DKK2: variants seen among roughly 807,000 people sequenced by gnomAD.
The protein encoded by DKK2 is dickkopf-related protein 2.
In DKK2, 11 loss-of-function variants were observed where a neutral mutation model predicts 28.1. That is an observed-to-expected ratio of 0.39 (90% CI 0.25 to 0.65). The LOEUF is 0.65. DKK2 is among the 30% of genes least tolerant of loss of function. The pLI is 0.47. For synonymous variants in DKK2, 135 were observed against 126.5 expected (o/e 1.07, Z -0.45); for missense variants, 326 against 335.5 (o/e 0.97, Z 0.22).
intron 1 of DKK2, among the ~76,000 whole-genome samples, chr4:107,032,945 T>C (rs1723896244): frequency 6.6e-6 from 1 of 152,144 alleles, no homozygotes; most frequent in Non-Finnish European, 1.5e-5. Context: ...CTGAAAATAA[T>C]AATACTAAGA....
chr4:106,954,330 A>T (rs1482843288), intron 1 of DKK2, among the ~76,000 whole-genome samples: 1 of 152,166 alleles, frequency 6.6e-6, no homozygotes, highest in African/African-American at 2.4e-5. Context: ...ATTTTACCTG[A>T]TACAATAGTA....
rs568722708 is a variant in DKK2, at chr4:106,995,715, C to A, written c.222+39655G>T. Among the ~76,000 whole-genome samples, 7 of 152,262 alleles carry A rather than the reference C, an allele frequency of 4.6e-5. No individual in the cohort carries two copies. In the South Asian group the frequency reaches 1.4e-3, roughly 32 times the overall value. On this transcript the variant is annotated intron_variant, in intron 1 of 3. Transcript: ENST00000285311. The stretch of plus-strand genomic sequence containing the variant: ...GCAACCTGCGCCTCCTGGGTTCAAG[C>A]GATTCTCCTGCCTCAGCCTCCCAAG...
At position 106,925,938 on chromosome 4, in the gene DKK2, A is replaced by G. The variant is rs1287021163; in HGVS notation, c.234T>C (p.Cys78=). Reference sequence around the variant, plus strand: ...CAACTTCACACTCCTTATCACTGCTACAAGGGTAGGCCTGTCATCAAGTGG... The same window carrying G: ...CAACTTCACACTCCTTATCACTGCTGCAAGGGTAGGCCTGTCATCAAGTGG... The part of the protein sequence containing the change: ...KGKNLGQAYP[C]SSDKECEVGR... The change falls in exon 2 of 4, where the codon TGT becomes TGC. Residue 78 remains cysteine (C), a synonymous_variant. Coordinates refer to ENST00000285311, the MANE Select transcript of DKK2 (RefSeq NM_014421.3). The G allele has an allele frequency of 6.8e-6, 11 of 1,609,742 alleles. No homozygotes were observed. The East Asian group carries it at 1.8e-4, about 26-fold the overall frequency.
chr4:107,025,623 T>C (rs561512769), intron 1 of DKK2, among the ~76,000 whole-genome samples: 1 of 152,328 alleles, frequency 6.6e-6, no homozygotes, highest in Admixed American at 6.5e-5. Flanking sequence ...TCCCTTCTTT[T>C]GTGTGCTCCT....
intron 1 of DKK2, among the ~76,000 whole-genome samples, chr4:106,950,506 A>G (rs939946097): frequency 6.4e-5 from 9 of 141,328 alleles, no homozygotes; most frequent in African/African-American, 2.5e-4. Context: ...AAAACTATCT[A>G]CTGGTTTTGC....
chr4:106,991,974 T>C (rs1723211804), intron 1 of DKK2, among the ~76,000 whole-genome samples: 1 of 152,158 alleles, frequency 6.6e-6, no homozygotes, highest in Admixed American at 6.6e-5. Flanking sequence ...CATTTTAACA[T>C]TAAACTCTAA....
At chr4:106,955,767 AC>A (rs1219766159) in intron 1 of DKK2, among the ~76,000 whole-genome samples, 2 of 152,114 alleles carry the variant, frequency 1.3e-5, no homozygotes, top group Non-Finnish European at 2.9e-5. Context: ...AAGCTATTTT[AC>A]CAGAATACTG....
intron 1 of DKK2, among the ~76,000 whole-genome samples, chr4:106,947,482 CAG>C (rs972056951): frequency 1.1e-4 from 16 of 151,974 alleles, no homozygotes; most frequent in African/African-American, 3.6e-4. Context: ...ATAGAAATGA[CAG>C]AGCTGTCAGT....
At chr4:106,980,961 A>T (rs1723018371) in intron 1 of DKK2, among the ~76,000 whole-genome samples, 1 of 152,182 alleles carries the variant, frequency 6.6e-6, no homozygotes, top group African/African-American at 2.4e-5. Flanking sequence ...ATATGAAATA[A>T]GCATTATTAT....
intron 1 of DKK2, among the ~76,000 whole-genome samples, chr4:106,933,237 T>C (rs1403094480): frequency 6.6e-6 from 1 of 152,206 alleles, no homozygotes; most frequent in Admixed American, 6.5e-5. Context: ...CCTGCATATA[T>C]ATCATACTGA....
intron 1 of DKK2, among the ~76,000 whole-genome samples, chr4:106,980,694 T>TA (rs1723014630): frequency 6.6e-6 from 1 of 152,168 alleles, no homozygotes; most frequent in Admixed American, 6.5e-5. Context: ...ATTATCTGTT[T>TA]ATTTGTCAAC....
At chr4:106,935,421 G>A (rs1045402111) in intron 1 of DKK2, among the ~76,000 whole-genome samples, 4 of 152,196 alleles carry the variant, frequency 2.6e-5, no homozygotes, top group Admixed American at 6.5e-5. Context: ...CTTAAAAAAC[G>A]GCACACCATG....
chr4:106,994,726 A>T (rs895493215), intron 1 of DKK2, among the ~76,000 whole-genome samples: 3 of 152,200 alleles, frequency 2.0e-5, no homozygotes, highest in Non-Finnish European at 4.4e-5. Context: ...AGGAACTCCC[A>T]ATTAATGCTT....
chr4:106,936,168 G>C (rs1724584783), intron 1 of DKK2, among the ~76,000 whole-genome samples: 1 of 152,068 alleles, frequency 6.6e-6, no homozygotes, highest in African/African-American at 2.4e-5. Flanking sequence ...AAATTACTTT[G>C]AGCTACGGGA....
chr4:107,002,701 A>G (rs185635493), intron 1 of DKK2, among the ~76,000 whole-genome samples: 186 of 152,326 alleles, frequency 1.2e-3, no homozygotes, highest in African/African-American at 4.2e-3. Context: ...ATAATATTCT[A>G]TCTACTAGAC....
At chr4:106,939,605 C>T (rs1185069888) in intron 1 of DKK2, among the ~76,000 whole-genome samples, 1 of 152,170 alleles carries the variant, frequency 6.6e-6, no homozygotes, top group African/African-American at 2.4e-5. Context: ...TTGGAAAAAA[C>T]TACTTTCAAG....
At chr4:106,973,227 T>C (rs1469240917) in intron 1 of DKK2, among the ~76,000 whole-genome samples, 2 of 152,214 alleles carry the variant, frequency 1.3e-5, no homozygotes, top group African/African-American at 2.4e-5. Context: ...AGTTGAATGA[T>C]TTATAATCCT....
chr4:107,035,480 T>C lies in DKK2; in HGVS notation c.112A>G (p.Ile38Val), dbSNP rs748449799. ...IGSSRAKLNS[I>V]KSSLGGETPG... ...GTCTCCCCGCCCAGAGAGGACTTGA[T>C]GGAGTTGAGTTTGGCCCGCGAACTG... is the stretch of plus-strand genomic sequence containing the variant. The change falls in exon 1 of 4, where the codon ATC (isoleucine) becomes GTC (valine). Residue 38 changes from isoleucine (I) to valine (V), a missense_variant. Transcript: ENST00000285311. 5.0e-6 allele frequency: 8 copies of C among 1,614,154 alleles called. No individual in the cohort carries two copies. Among genetic ancestry groups the C allele is most frequent in the Non-Finnish European group, 6.8e-6 (8 of 1,180,030 alleles).
chr4:107,035,608 C>G lies in DKK2; in HGVS notation c.-17G>C, dbSNP rs201053993. Reference sequence around the variant, plus strand: ...CGCGGCCATCTCCCGGCGAGGGGGTCCCCAGGAAGACGCAAAGCCCGGAGG... The same window carrying G: ...CGCGGCCATCTCCCGGCGAGGGGGTGCCCAGGAAGACGCAAAGCCCGGAGG... On this transcript the variant is annotated 5_prime_UTR_variant, in exon 1 of 4. Transcript: ENST00000285311. The G allele has an allele frequency of 3.7e-6, 6 of 1,612,558 alleles. No homozygotes were observed. The Middle Eastern group carries it at 5.1e-4, about 138-fold the overall frequency.
Sources: gnomAD v4.1 joint callset for allele counts (sites outside exome capture counted in the v4.1 genomes callset) on GRCh38, gnomAD v4.1.1 for gene constraint, MANE v1.5 for transcripts, NCBI Gene and HGNC (gene_info 2026-07-23, HGNC 2026-07-21) for gene names.